Variants in DIDO1 observed in about 807,000 individuals in gnomAD.
DIDO1 encodes the protein death-inducer obliterator 1.
A neutral mutation model predicts 99.4 loss-of-function variants in DIDO1; 16 were observed. The ratio of observed to expected loss-of-function variants is 0.16; its 90% CI spans 0.11 to 0.24. DIDO1 has a LOEUF of 0.24. Among genes scored for constraint, DIDO1 ranks in the 10% least tolerant of loss-of-function variants. DIDO1 has a pLI of 1.00. For synonymous variants in DIDO1, 1,366 were observed against 1,239.1 expected, an observed-to-expected ratio of 1.10 and a Z score of -2.15; for missense variants, 2,996 against 3,014.0, an observed-to-expected ratio of 0.99 and a Z score of 0.14.
In DIDO1 at chr20:62,911,731, G is replaced by A. The variant is rs895921408; in HGVS notation, c.-2-117C>T. The A allele has an allele frequency of 3.5e-6, 3 of 856,980 alleles. No individual in the cohort carries two copies. Among genetic ancestry groups the A allele is most frequent in the Non-Finnish European group, 5.2e-6 (3 of 576,382 alleles). The allele number at this position is 856,980 out of a possible 1,614,324, so 53.1% of individuals were successfully genotyped here. ...TACAAACAGTGGAGCTCTACATAAA[G>A]CAAGTCCTTCTGACCAGTGTTTCCT... is the stretch of plus-strand genomic sequence containing the variant. On this transcript the variant is annotated intron_variant, in intron 2 of 15. Transcript: ENST00000395343. The surrounding 1 kb of genome is among the most constrained non-coding windows in gnomAD (Gnocchi z 7.0).
intron 14 of DIDO1, 103 bp from the exon 15 acceptor site, chr20:62,891,258 C>T (rs1568838872): frequency 6.6e-6 from 10 of 1,526,534 alleles, no homozygotes; most frequent in African/African-American, 1.4e-5. Flanking sequence ...CAGATCTCTC[C>T]GACTCACAGC....
intron 1 of DIDO1, among the ~76,000 whole-genome samples, chr20:62,923,175 AATTATT>A (rs1290108757): frequency 6.6e-6 from 1 of 151,190 alleles, no homozygotes; most frequent in Non-Finnish European, 1.5e-5. Context: ...TGCTTGGCCT[AATTATT>A]ATTATTTTTT....
intron 12 of DIDO1, among the ~76,000 whole-genome samples, chr20:62,893,385 T>G (rs1479325019): frequency 6.6e-6 from 1 of 152,212 alleles, no homozygotes; most frequent in Non-Finnish European, 1.5e-5. Flanking sequence ...TTTTGCCAAT[T>G]ACTTACTTTA....
intron 15 of DIDO1, chr20:62,887,837 T>G: frequency 6.1e-6 from 6 of 985,388 alleles, no homozygotes; most frequent in Non-Finnish European, 7.2e-6. Context: ...AACATCTAGG[T>G]GGAGAAGGTC....
intron 1 of DIDO1, among the ~76,000 whole-genome samples, chr20:62,924,733 G>C (rs2065220334): frequency 6.6e-6 from 1 of 152,176 alleles, no homozygotes; most frequent in Non-Finnish European, 1.5e-5. Context: ...AACATGGGCT[G>C]GGCTGTCTGG....
intron 6 of DIDO1, 168 bp downstream of exon 6, chr20:62,905,719 C>T: frequency 1.2e-6 from 2 of 1,607,116 alleles, no homozygotes; most frequent in Non-Finnish European, 1.7e-6. Flanking sequence ...GGACACAGGG[C>T]AGCAGGAGGC....
chr20:62,928,961 C>G (rs956449406), upstream of DIDO1: 1 of 143,814 alleles, frequency 7.0e-6, no homozygotes, highest in Non-Finnish European at 1.5e-5. Flanking sequence ...GAAAACTCAG[C>G]AATTCTTAAA....
chr20:62,882,498 C>G, intron 15 of DIDO1, 84 bp from the exon 16 acceptor site: 1 of 1,320,576 alleles, frequency 7.6e-7, no homozygotes, highest in South Asian at 1.4e-5. Flanking sequence ...AGGGCTTTCA[C>G]GGGGAACGTT....
In DIDO1 at chr20:62,879,554, CTCCCGGGGCCGGTCCCAG is replaced by C. The variant is rs772260871; in HGVS notation, c.6384_6401del (p.Asp2128_Arg2133del). The C allele has an allele frequency of 1.8e-5, 29 of 1,600,864 alleles. No individual in the cohort carries two copies. The East Asian group carries it at 2.2e-4, about 12-fold the overall frequency. On this transcript the variant is annotated inframe_deletion, in exon 16 of 16. Coordinates refer to ENST00000395343, the MANE Select transcript of DIDO1 (RefSeq NM_001193369.2). The surrounding 1 kb of genome is among the most constrained non-coding windows in gnomAD (Gnocchi z 6.3). ...AGTCCTTGTCCCGGTGTCGGTCCCA[CTCCCGGGGCCGGTCCCAG>C]TCCCGCTCTCGGCTCCAGTTTCGGC...
Position 62,880,070 on chromosome 20 carries a change from A to C in DIDO1, c.5886T>G (p.Ile1962Met). The C allele has an allele frequency of 6.2e-7, 1 of 1,611,884 alleles. No homozygotes were observed. The highest frequency in any genetic ancestry group is 8.5e-7 in the Non-Finnish European group (1 of 1,179,998). Reference protein sequence around the residue: ...APNFMPGPRGIQPQQFEDQRV... With the variant: ...APNFMPGPRGMQPQQFEDQRV... Reference sequence around the variant, plus strand: ...TCTGGTCTTCGAACTGCTGAGGCTGAATGCCCCTGGGACCTGGCATAAAGT... The same window carrying C: ...TCTGGTCTTCGAACTGCTGAGGCTGCATGCCCCTGGGACCTGGCATAAAGT... The change falls in exon 16 of 16, where the codon ATT becomes ATG. Residue 1962 changes from isoleucine to methionine, a missense_variant. Physicochemically the swap from Ile to Met is conservative, Grantham distance 10. This residue lies in a region of DIDO1 where 1,562 missense variants were observed against 1,412.6 expected (regional missense o/e 1.11). Transcript: ENST00000395343.
In DIDO1 at chr20:62,905,913, G is replaced by A; in HGVS notation, c.1562C>T (p.Ala521Val). ...YNAVKPEKTA[A>V]PSPSLLYKST... ...TTTATACAACAGTGACGGCGAGGGA[G>A]CAGCAGTCTTTTCTGGCTTTACTGC... The change falls in exon 6 of 16, where the codon GCT (alanine) becomes GTT (valine). Residue 521 changes from alanine to valine, a missense_variant. Physicochemically the swap from Ala to Val is moderately conservative, Grantham distance 64. Around this residue, in one of 5 missense-constraint regions of DIDO1, gnomAD observed 898 missense variants for 972.7 expected, o/e 0.92. Transcript: ENST00000395343. The A allele has an allele frequency of 6.2e-7, 1 of 1,614,148 alleles. No homozygotes were observed. Among genetic ancestry groups the A allele is most frequent in the Non-Finnish European group, 8.5e-7 (1 of 1,180,020 alleles).
intron 4 of DIDO1, among the ~76,000 whole-genome samples, chr20:62,907,834 A>C (rs2064841087): frequency 6.6e-6 from 1 of 152,248 alleles, no homozygotes; most frequent in African/African-American, 2.4e-5. Context: ...TTTTGAAGTA[A>C]GCTTCCCTGC....
intron 1 of DIDO1, among the ~76,000 whole-genome samples, chr20:62,933,822 A>G (rs6011487): frequency 0.23 from 34,913 of 151,926 alleles, 4,284 homozygotes; most frequent in East Asian, 0.34. Context: ...CCATTATCAC[A>G]CCATTGCACT....
At chr20:62,890,811 A>G (rs2064380501) in intron 15 of DIDO1, 149 bp downstream of exon 15, 2 of 1,516,670 alleles carry the variant, frequency 1.3e-6, no homozygotes, top group South Asian at 2.6e-5. Context: ...GCCCTCAAAG[A>G]TGAATCCTAT....
chr20:62,925,685 G>A (rs1319693992), intron 1 of DIDO1, among the ~76,000 whole-genome samples: 1 of 152,218 alleles, frequency 6.6e-6, no homozygotes, highest in African/African-American at 2.4e-5. Context: ...CCGCGAGAAG[G>A]AGCCCCGGAC....
At chr20:62,895,479 A>C (rs185452397) in intron 8 of DIDO1, among the ~76,000 whole-genome samples, 110 of 152,286 alleles carry the variant, frequency 7.2e-4, no homozygotes, top group African/African-American at 2.5e-3. Context: ...ACAACACACA[A>C]CACCTCAGGA....
In DIDO1 at chr20:62,881,737, G is replaced by A. The variant is rs2064210634; in HGVS notation, c.4219C>T (p.Arg1407Cys). The A allele has an allele frequency of 3.1e-6, 5 of 1,612,950 alleles. No homozygotes were observed. The highest frequency in any genetic ancestry group is 1.3e-5 in the African/African-American group (1 of 75,030). Residue 1407 changes from arginine to cysteine, a missense_variant, in exon 16 of 16, where the codon CGC (arginine) becomes TGC (cysteine). Transcript: ENST00000395343. This position sits in a 1 kb window ranked among gnomAD's most constrained non-coding sequence, Gnocchi z 8.3. ...FDTQLVERGR[R>C]HEVERAPEAA... Reference sequence around the variant, plus strand: ...TCAGGAGCCCTTTCCACCTCGTGGCGCCGCCCTCGCTCCACAAGCTGAGTG... The same window carrying A: ...TCAGGAGCCCTTTCCACCTCGTGGCACCGCCCTCGCTCCACAAGCTGAGTG...
intron 6 of DIDO1, chr20:62,905,222 G>C: frequency 8.1e-7 from 1 of 1,228,430 alleles, no homozygotes. Context: ...CGCGTCCTGC[G>C]GTCAGGACAG....
At chr20:62,897,672 CA>C (rs1005513808) in intron 6 of DIDO1, among the ~76,000 whole-genome samples, 15 of 152,336 alleles carry the variant, frequency 9.8e-5, no homozygotes, top group African/African-American at 3.6e-4. Flanking sequence ...TGAATCCAAA[CA>C]AGGATTATAA....
Sources: allele counts gnomAD v4.1 joint callset (sites outside exome capture counted in the v4.1 genomes callset), GRCh38; gene constraint gnomAD v4.1.1; regional missense constraint gnomAD v4.1.1; non-coding constraint Gnocchi (gnomAD v3.1); transcripts MANE v1.5; gene names NCBI Gene and HGNC (gene_info 2026-07-23, HGNC 2026-07-21).